Variants in ROBO2 observed in about 807,000 individuals in gnomAD.
The protein encoded by ROBO2 is roundabout guidance receptor 2.
In ROBO2, 53 loss-of-function variants were observed where a neutral mutation model predicts 160.8. The ratio of observed to expected loss-of-function variants is 0.33; its 90% confidence interval spans 0.26 to 0.41. The LOEUF (loss-of-function observed/expected upper bound fraction) is 0.41. Ranked by LOEUF, ROBO2 falls within the 10% of genes least tolerant of loss-of-function variation. The probability of loss-of-function intolerance (pLI) is 1.00; values close to 1 mark genes in which losing one functional copy is unlikely to be tolerated. For synonymous variants in ROBO2, 664 were observed against 611.7 expected (o/e 1.09, Z -1.26); for missense variants, 1,577 against 1,722.4 (o/e 0.92, Z 1.49).
chr3:77,368,208 C>A (rs375940871), intron 2 of ROBO2, among the ~76,000 whole-genome samples: 19 of 151,112 alleles, frequency 1.3e-4, no homozygotes, highest in African/African-American at 4.6e-4. Context: ...TTTCCATCAT[C>A]TTTTTCCTTT....
intron 2 of ROBO2, among the ~76,000 whole-genome samples, chr3:76,762,465 A>G (rs1467199307): frequency 6.9e-6 from 1 of 144,662 alleles, no homozygotes; most frequent in Non-Finnish European, 1.5e-5. Flanking sequence ...TTTTTTTAAC[A>G]TGAGTGAACT....
intron 2 of ROBO2, among the ~76,000 whole-genome samples, chr3:76,194,910 G>C (rs370456621): frequency 1.3e-5 from 2 of 152,094 alleles, no homozygotes; most frequent in African/African-American, 4.8e-5. Flanking sequence ...GAGCCATTGC[G>C]CCAGGCCTAT....
intron 2 of ROBO2, among the ~76,000 whole-genome samples, chr3:76,439,923 C>T (rs9845891): frequency 0.011 from 1,633 of 152,182 alleles, 22 homozygotes; most frequent in African/African-American, 0.032. Flanking sequence ...GGTATCCATG[C>T]CCTTGTATCA....
intron 2 of ROBO2, among the ~76,000 whole-genome samples, chr3:76,671,036 A>G (rs1460022980): frequency 2.0e-5 from 3 of 151,914 alleles, no homozygotes; most frequent in Non-Finnish European, 4.4e-5. Flanking sequence ...ATCCTGTTGG[A>G]GAAATTAGCA....
chr3:77,640,181 G>A (rs2095329205), intron 24 of ROBO2, among the ~76,000 whole-genome samples: 1 of 130,948 alleles, frequency 7.6e-6, no homozygotes, highest in Non-Finnish European at 1.5e-5. Context: ...GGGCGATCTC[G>A]GCTCACTGCA....
intron 24 of ROBO2, among the ~76,000 whole-genome samples, chr3:77,641,987 C>G (rs185073117): frequency 5.9e-5 from 9 of 152,246 alleles, no homozygotes; most frequent in South Asian, 2.1e-4. Flanking sequence ...CACCATAAAA[C>G]ACATTCAGTC....
At chr3:76,423,702 A>C (rs989358745) in intron 2 of ROBO2, among the ~76,000 whole-genome samples, 1 of 152,062 alleles carries the variant, frequency 6.6e-6, no homozygotes, top group African/African-American at 2.4e-5. Context: ...TGGAGGGAGG[A>C]GGTTAAAGCA....
intron 2 of ROBO2, among the ~76,000 whole-genome samples, chr3:75,987,639 G>A (rs1333013543): frequency 6.6e-6 from 1 of 151,846 alleles, no homozygotes; most frequent in East Asian, 1.9e-4. Flanking sequence ...TGATCTTAGA[G>A]GTAAAACTTT....
At chr3:76,006,421 A>T (rs2066021482) in intron 2 of ROBO2, among the ~76,000 whole-genome samples, 1 of 152,120 alleles carries the variant, frequency 6.6e-6, no homozygotes, top group Non-Finnish European at 1.5e-5. Flanking sequence ...GGAAATAATA[A>T]ACACATTTTG....
Position 76,834,066 on chromosome 3 carries a change from C to CT in ROBO2, c.110-263945dup, listed in dbSNP as rs1364904269. On this transcript the variant is annotated intron_variant, in intron 2 of 26. Coordinates refer to the ROBO2 transcript ENST00000487694. ...TTTCTTTCTCTCCTTTCTTTCTTTT[C>CT]TTTCTTTCTTTCTTTCTTTCTTTCT... Among the ~76,000 whole-genome samples the CT allele has an allele frequency of 2.4e-4, 18 of 74,654 alleles. 1 individual carries two copies. Among genetic ancestry groups the CT allele is most frequent in the African/African-American group, 5.8e-4 (11 of 18,946 alleles). The allele number at this position is 74,654 out of a possible 152,430, so 49.0% of individuals were successfully genotyped here. A position where few individuals can be genotyped will look rare whatever the true frequency, so the allele number is the denominator to read the frequency against.
intron 2 of ROBO2, among the ~76,000 whole-genome samples, chr3:76,696,555 T>C (rs1185259842): frequency 6.6e-6 from 1 of 152,162 alleles, no homozygotes; most frequent in African/African-American, 2.4e-5. Flanking sequence ...TCATTGTAGC[T>C]ACCCACCTTC....
intron 2 of ROBO2, among the ~76,000 whole-genome samples, chr3:77,473,368 C>A (rs1434070326): frequency 6.6e-6 from 1 of 150,894 alleles, no homozygotes; most frequent in Non-Finnish European, 1.5e-5. Context: ...TCTATCGGCA[C>A]AGCTGCGGCA....
Position 76,169,059 on chromosome 3 carries a change from G to C in ROBO2, c.109+231457G>C, listed in dbSNP as rs185036868. ...TCTCTTTAAAACTTGAACAGTTCCT[G>C]AGAAGGTAGCATGTGATCGACTATA... On this transcript the variant is annotated intron_variant, in intron 2 of 26. Coordinates refer to the ROBO2 transcript ENST00000487694. Among the ~76,000 whole-genome samples the C allele has an allele frequency of 3.9e-5, 6 of 152,140 alleles. No homozygotes were observed. The East Asian group carries it at 9.7e-4, about 24-fold the overall frequency.
chr3:77,625,957 A>G (rs2153709015), intron 23 of ROBO2, among the ~76,000 whole-genome samples: 1 of 152,294 alleles, frequency 6.6e-6, no homozygotes, highest in South Asian at 2.1e-4. Flanking sequence ...ATAGATTAAA[A>G]ACAGAGGGTT....
In ROBO2 at chr3:76,771,968, C is replaced by G. The variant is rs555616246; in HGVS notation, c.110-326046C>G. ...TTACGGTATGGAAATATTGAAGGTA[C>G]AAATATTATCGTTGCTACCAACATA... is the stretch of plus-strand genomic sequence containing the variant. On this transcript the variant is annotated intron_variant, in intron 2 of 26. Coordinates refer to the ROBO2 transcript ENST00000487694. Among the ~76,000 whole-genome samples the G allele has an allele frequency of 2.6e-5, 4 of 151,262 alleles. No homozygotes were observed. In the South Asian group the frequency reaches 6.2e-4, roughly 24 times the overall value.
intron 2 of ROBO2, among the ~76,000 whole-genome samples, chr3:77,445,867 T>C (rs1418706343): frequency 6.7e-6 from 1 of 150,298 alleles, no homozygotes; most frequent in East Asian, 2.0e-4. Flanking sequence ...AGGAATTCCA[T>C]TTTGAAACTG....
rs759087780 is a variant in ROBO2, at chr3:76,194,350, G to GTGTATATA, written c.109+256749_109+256750insGTATATAT. On this transcript the variant is annotated intron_variant, in intron 2 of 26. Coordinates refer to the ROBO2 transcript ENST00000487694. Reference sequence around the variant, plus strand: ...ATATCTATATAAATATGTATGGTGTGTAAATATATATATATATATATATAT... The same window carrying GTGTATATA: ...ATATCTATATAAATATGTATGGTGTGTGTATATATAAATATATATATATATATATATAT... Among the ~76,000 whole-genome samples the GTGTATATA allele has an allele frequency of 3.1e-3, 131 of 42,032 alleles. 2 individuals carry two copies. The highest frequency in any genetic ancestry group is 4.9e-3 in the Non-Finnish European group (70 of 14,184). 27.6% of individuals were successfully genotyped at this position (42,032 alleles called of 152,430 possible).
intron 2 of ROBO2, among the ~76,000 whole-genome samples, chr3:77,282,981 C>T (rs576780314): frequency 6.7e-6 from 1 of 148,398 alleles, no homozygotes; most frequent in Non-Finnish European, 1.5e-5. Flanking sequence ...AAAATATTTG[C>T]TGATATAAAC....
chr3:76,358,878 C>T (rs1158757681), intron 2 of ROBO2, among the ~76,000 whole-genome samples: 1 of 150,388 alleles, frequency 6.6e-6, no homozygotes, highest in Non-Finnish European at 1.5e-5. Flanking sequence ...CCCATTAACT[C>T]GTCATTTAGC....
Sources: gnomAD v4.1 joint callset for allele counts (sites outside exome capture counted in the v4.1 genomes callset) on GRCh38, gnomAD v4.1.1 for gene constraint, MANE v1.5 for transcripts, NCBI Gene and HGNC (gene_info 2026-07-23, HGNC 2026-07-21) for gene names.